The following VDAC2 variants were observed in gnomAD, a reference collection of about 807,000 sequenced individuals.
VDAC2 encodes voltage dependent anion channel 2.
In VDAC2, 6 loss-of-function variants were observed where a neutral mutation model predicts 36.6. The ratio of observed to expected loss-of-function variants is 0.16; its 90% confidence interval spans 0.09 to 0.32. VDAC2 has a LOEUF of 0.32. Among genes scored for constraint, VDAC2 ranks in the 10% least tolerant of loss-of-function variants. The pLI is 1.00. For synonymous variants in VDAC2, 109 were observed against 123.8 expected, an observed-to-expected ratio of 0.88 and a Z score of 0.79; for missense variants, 247 against 346.0, an observed-to-expected ratio of 0.71 and a Z score of 2.27.
At chr10:75,216,395 A>C (rs1841605982) in intron 4 of VDAC2, among the ~76,000 whole-genome samples, 1 of 152,200 alleles carries the variant, frequency 6.6e-6, no homozygotes, top group Non-Finnish European at 1.5e-5. Flanking sequence ...GGAAAGTTTT[A>C]TGGAAGTAGG....
Position 75,211,571 on chromosome 10 carries a change from C to T in VDAC2, c.31+382C>T, listed in dbSNP as rs114059796. ...TTGTGCTCCTAAGGGCGTGGACGTG[C>T]TTTGTGGAATGAATGAGCTGGTGTA... is the stretch of plus-strand genomic sequence containing the variant. On this transcript the variant is annotated intron_variant, in intron 2 of 9. Coordinates refer to ENST00000332211, the MANE Select transcript of VDAC2 (RefSeq NM_001391963.1). 5.4e-3 allele frequency: 8,422 copies of T among 1,550,494 alleles called. 407 individuals carry two copies. In the African/African-American group the frequency reaches 0.1, roughly 18 times the overall value.
At chr10:75,220,689 G>A in intron 6 of VDAC2, 54 bp from the exon 7 acceptor site, 1 of 1,485,188 alleles carries the variant, frequency 6.7e-7, no homozygotes, top group Non-Finnish European at 9.3e-7. Flanking sequence ...GTGCTCTCTT[G>A]TGCAGAAGTG....
At chr10:75,211,392 G>T in intron 2 of VDAC2, 1 of 1,421,394 alleles carries the variant, frequency 7.0e-7, no homozygotes, top group Non-Finnish European at 9.3e-7. Context: ...CCGGGGAGTT[G>T]GTCTGTGGCC....
At chr10:75,211,482 G>A (rs950851117) in intron 2 of VDAC2, 14 of 1,526,552 alleles carry the variant, frequency 9.2e-6, no homozygotes, top group East Asian at 2.5e-5. Context: ...GCCTTTGGAG[G>A]ATCGGATCAA....
Position 75,210,842 on chromosome 10 carries a change from C to T in VDAC2, c.-122C>T, listed in dbSNP as rs1367138196. ...CGGAACGGTGTCTCCTTCACTTCGCCCTCCAGCTGCTGGAGCTGCAGCCCG... is the reference window on the plus strand; with the variant it reads ...CGGAACGGTGTCTCCTTCACTTCGCTCTCCAGCTGCTGGAGCTGCAGCCCG... On this transcript the variant is annotated 5_prime_UTR_variant, in exon 1 of 10. Coordinates refer to ENST00000332211, the MANE Select transcript of VDAC2 (RefSeq NM_001391963.1). 2.6e-5 allele frequency: 8 copies of T among 311,070 alleles called. No homozygotes were observed. Among genetic ancestry groups the T allele is most frequent in the Admixed American group, 1.0e-4 (2 of 19,464 alleles). The allele number at this position is 311,070 out of a possible 1,614,324, so 19.3% of individuals were successfully genotyped here. A position where few individuals can be genotyped will look rare whatever the true frequency, so the allele number is the denominator to read the frequency against.
intron 7 of VDAC2, 88 bp downstream of exon 7, chr10:75,221,058 A>G: frequency 1.5e-6 from 2 of 1,329,188 alleles, no homozygotes; most frequent in Non-Finnish European, 2.1e-6. Context: ...GGTGCACCCT[A>G]AAGGATTTCT....
chr10:75,221,567 G>A (rs1244166795), intron 7 of VDAC2, among the ~76,000 whole-genome samples: 2 of 151,956 alleles, frequency 1.3e-5, no homozygotes, highest in African/African-American at 2.4e-5. Flanking sequence ...TCCTGACCTC[G>A]TGATCTGCCA....
chr10:75,227,429 T>C (rs1258337420), intron 8 of VDAC2, among the ~76,000 whole-genome samples: 6 of 152,118 alleles, frequency 3.9e-5, no homozygotes, highest in Admixed American at 3.9e-4. Flanking sequence ...TTAGAGAACA[T>C]CTAGCTGGAG....
At chr10:75,217,259 A>T (rs1388429247) in intron 4 of VDAC2, among the ~76,000 whole-genome samples, 2 of 152,184 alleles carry the variant, frequency 1.3e-5, no homozygotes, top group Non-Finnish European at 2.9e-5. Flanking sequence ...CCTGTCTCCA[A>T]AAAAAACCGC....
At chr10:75,217,915 T>C in intron 4 of VDAC2, 1 of 1,288,582 alleles carries the variant, frequency 7.8e-7, no homozygotes, top group East Asian at 5.6e-5. Flanking sequence ...TGTAGTCTCT[T>C]TATTATTTTC....
At chr10:75,220,030 G>A (rs1250733634) in intron 6 of VDAC2, among the ~76,000 whole-genome samples, 4 of 151,224 alleles carry the variant, frequency 2.6e-5, no homozygotes, top group African/African-American at 7.3e-5. Flanking sequence ...GTTTCACCGT[G>A]TTGATCAGGC....
At position 75,211,313 on chromosome 10, in the gene VDAC2, C is replaced by T. The variant is rs911843157; in HGVS notation, c.31+124C>T. ...GAAATTCGGCTGCTTTTGGTGGTCG[C>T]CCCACCGTCTGACCACCTCCTCTGC... is the stretch of plus-strand genomic sequence containing the variant. On this transcript the variant is annotated intron_variant, in intron 2 of 9. Transcript: ENST00000332211. 3 of 1,443,864 alleles carry T rather than the reference C, an allele frequency of 2.1e-6. No individual in the cohort carries two copies. The African/African-American group carries it at 4.3e-5, about 21-fold the overall frequency. 89.4% of individuals were successfully genotyped at this position (1,443,864 alleles called of 1,614,324 possible).
At chr10:75,210,659 G>C (rs1389217245), upstream of VDAC2, 1 of 153,220 alleles carries the variant, frequency 6.5e-6, no homozygotes, top group East Asian at 1.9e-4. Context: ...CCGACGGACG[G>C]AGGCAGCCCA....
chr10:75,222,080 A>G (rs1029025017), intron 7 of VDAC2, among the ~76,000 whole-genome samples, 172 bp from the exon 8 acceptor site: 2 of 152,196 alleles, frequency 1.3e-5, no homozygotes, highest in Non-Finnish European at 2.9e-5. Flanking sequence ...CAATCCCTGT[A>G]TGGGTATGGG....
At chr10:75,214,556 A>G (rs993531819) in intron 4 of VDAC2, among the ~76,000 whole-genome samples, 5 of 151,686 alleles carry the variant, frequency 3.3e-5, no homozygotes, top group African/African-American at 1.2e-4. Flanking sequence ...ACGGAGTCTC[A>G]CTGTGTCACT....
intron 8 of VDAC2, among the ~76,000 whole-genome samples, chr10:75,222,742 G>A (rs1841851276): frequency 6.9e-6 from 1 of 145,642 alleles, no homozygotes; most frequent in South Asian, 2.1e-4. Context: ...GCTCTCTGTT[G>A]TCGAGGCTGG....
chr10:75,219,035 T>A (rs375291442), intron 4 of VDAC2, 28 bp from the exon 5 acceptor site: 21 of 1,599,256 alleles, frequency 1.3e-5, no homozygotes, highest in Non-Finnish European at 1.8e-5. Flanking sequence ...TATGAGAATG[T>A]TCATGAAGTT....
intron 3 of VDAC2, among the ~76,000 whole-genome samples, chr10:75,213,054 A>G (rs1841478599): frequency 6.6e-6 from 1 of 152,020 alleles, no homozygotes; most frequent in Non-Finnish European, 1.5e-5. Flanking sequence ...AATGTCCTAA[A>G]TGTCTGTATT....
chr10:75,210,869 C>A lies in VDAC2; in HGVS notation c.-95C>A, dbSNP rs904627030. On this transcript the variant is annotated 5_prime_UTR_variant, in exon 1 of 10. Transcript: ENST00000332211. Reference sequence around the variant, plus strand: ...TCCAGCTGCTGGAGCTGCAGCCCGACCGCGAGCGTGCCAAGCGGCTTCAGC... The same window carrying A: ...TCCAGCTGCTGGAGCTGCAGCCCGAACGCGAGCGTGCCAAGCGGCTTCAGC... 1 of 353,392 alleles carries A rather than the reference C, an allele frequency of 2.8e-6. No individual in the cohort carries two copies. Among genetic ancestry groups the A allele is most frequent in the Non-Finnish European group, 5.1e-6 (1 of 195,892 alleles). The allele number at this position is 353,392 out of a possible 1,614,324, so 21.9% of individuals were successfully genotyped here.
Sources: gnomAD v4.1 joint callset for allele counts (sites outside exome capture counted in the v4.1 genomes callset) on GRCh38, gnomAD v4.1.1 for gene constraint, MANE v1.5 for transcripts, NCBI Gene and HGNC (gene_info 2026-07-23, HGNC 2026-07-21) for gene names.